The following ARL3 variants were observed in gnomAD, a reference collection of about 807,000 sequenced individuals.
The protein encoded by ARL3 is ARF like GTPase 3, also known as ADP-ribosylation factor-like protein 3.
A neutral mutation model predicts 26.0 loss-of-function variants in ARL3; 9 were observed. The ratio of observed to expected loss-of-function variants is 0.35; its 90% CI spans 0.21 to 0.60. The LOEUF is 0.60. Ranked by LOEUF, ARL3 falls within the 20% of genes least tolerant of loss-of-function variation. ARL3 has a pLI of 0.78. For missense variants in ARL3, 158 were observed against 215.7 expected (o/e 0.73, Z 1.67); for synonymous variants, 71 against 78.4 (o/e 0.91, Z 0.50).
At chr10:102,690,451 T>A (rs1002931030) in intron 3 of ARL3, among the ~76,000 whole-genome samples, 2 of 151,838 alleles carry the variant, frequency 1.3e-5, no homozygotes, top group Non-Finnish European at 2.9e-5. Context: ...GCCCAGCTAA[T>A]TTTTTTGTAG....
chr10:102,682,205 G>A (rs1300865716), intron 5 of ARL3, among the ~76,000 whole-genome samples: 2 of 152,074 alleles, frequency 1.3e-5, no homozygotes, highest in Non-Finnish European at 2.9e-5. Context: ...ACATAACTGG[G>A]TCTCTCCTCA....
In ARL3 at chr10:102,709,169, G is replaced by T. The variant is rs2064325603; in HGVS notation, c.4-3680C>A. ...AATCTGCCCGTGACGGCCTCCCAAA[G>T]TGCTGGGATTACAAGAGTGAGCCAC... On this transcript the variant is annotated intron_variant, in intron 1 of 5. Coordinates refer to ENST00000260746, the MANE Select transcript of ARL3 (RefSeq NM_004311.4). Among the ~76,000 whole-genome samples the T allele has an allele frequency of 2.0e-5, 3 of 151,694 alleles. No homozygotes were observed. In the South Asian group the frequency reaches 6.2e-4, roughly 32 times the overall value.
Position 102,686,020 on chromosome 10 carries a change from G to C in ARL3, c.316-19C>G. 1.2e-6 allele frequency: 2 copies of C among 1,601,124 alleles called. No homozygotes were observed. Among genetic ancestry groups the C allele is most frequent in the South Asian group, 1.1e-5 (1 of 89,910 alleles). ...CTAGTTCCTGGATTTTGAGAAGGGA[G>C]AGGGAGGGAAGGTTAAAATCTATAC... is the stretch of plus-strand genomic sequence containing the variant. On this transcript the variant is annotated intron_variant, in intron 4 of 5. Coordinates refer to ENST00000260746, the MANE Select transcript of ARL3 (RefSeq NM_004311.4).
At chr10:102,692,283 T>A (rs2064222163) in intron 3 of ARL3, among the ~76,000 whole-genome samples, 1 of 152,258 alleles carries the variant, frequency 6.6e-6, no homozygotes, top group Non-Finnish European at 1.5e-5. Context: ...CTTCTCTTCC[T>A]TGGGTATTTC....
intron 3 of ARL3, among the ~76,000 whole-genome samples, chr10:102,691,410 A>G (rs1217020310): frequency 6.6e-6 from 1 of 151,940 alleles, no homozygotes; most frequent in Non-Finnish European, 1.5e-5. Context: ...ACTGAGAATG[A>G]TGATTTCCAT....
In ARL3 at chr10:102,699,391, A is replaced by G; in HGVS notation, c.246T>C (p.Phe82=). 2 of 1,603,954 alleles carry G rather than the reference A, an allele frequency of 1.2e-6. No individual in the cohort carries two copies. Among genetic ancestry groups the G allele is most frequent in the Non-Finnish European group, 1.7e-6 (2 of 1,171,092 alleles). The change falls in exon 3 of 6, where the codon TTT becomes TTC. Residue 82 remains phenylalanine (F), a synonymous_variant. Transcript: ENST00000260746. ...TACTTACAAGAATATCGGTATTTTC[A>G]AAATAATTCTTCCAGTATGGTCTGA... is the stretch of plus-strand genomic sequence containing the variant. ...RKIRPYWKNY[F]ENTDILIYVI...
At position 102,697,896 on chromosome 10, in the gene ARL3, C is replaced by T. The variant is rs147908319; in HGVS notation, c.264+1477G>A. On this transcript the variant is annotated intron_variant, in intron 3 of 5. Transcript: ENST00000260746. Reference sequence around the variant, plus strand: ...GATGAGTACTGAAAACTGAACCCTACTTTTAGCAATGTGGAATTATCAGTG... The same window carrying T: ...GATGAGTACTGAAAACTGAACCCTATTTTTAGCAATGTGGAATTATCAGTG... Among the ~76,000 whole-genome samples, 320 of 152,262 alleles carry T rather than the reference C, an allele frequency of 2.1e-3. 3 individuals carry two copies. Among genetic ancestry groups the T allele is most frequent in the African/African-American group, 7.6e-3 (314 of 41,542 alleles).
chr10:102,682,690 T>C (rs2064161374), intron 5 of ARL3, among the ~76,000 whole-genome samples: 1 of 152,258 alleles, frequency 6.6e-6, no homozygotes, highest in Non-Finnish European at 1.5e-5. Context: ...CTACCTATTG[T>C]TAAGCAGTAC....
chr10:102,709,875 A>T (rs1404151451), intron 1 of ARL3, among the ~76,000 whole-genome samples: 1 of 152,016 alleles, frequency 6.6e-6, no homozygotes, highest in Non-Finnish European at 1.5e-5. Flanking sequence ...TCTACTAAAA[A>T]TACAAAAAAT....
intron 3 of ARL3, among the ~76,000 whole-genome samples, chr10:102,690,295 C>CTTTTTTT: frequency 8.1e-6 from 1 of 123,724 alleles, no homozygotes; most frequent in Non-Finnish European, 1.7e-5. Flanking sequence ...CACTATTTTC[C>CTTTTTTT]TTTTTTTTTT....
intron 1 of ARL3, among the ~76,000 whole-genome samples, chr10:102,708,061 A>T (rs2064318812): frequency 6.6e-6 from 1 of 151,886 alleles, no homozygotes; most frequent in Non-Finnish European, 1.5e-5. Context: ...CTACCGGCTC[A>T]CACCACCACG....
At chr10:102,707,871 A>C (rs899529622) in intron 1 of ARL3, among the ~76,000 whole-genome samples, 11 of 152,170 alleles carry the variant, frequency 7.2e-5, no homozygotes, top group African/African-American at 2.7e-4. Context: ...TAGATTGGAA[A>C]CAAACAGAAG....
intron 3 of ARL3, among the ~76,000 whole-genome samples, chr10:102,697,760 G>T (rs1344840612): frequency 6.6e-6 from 1 of 152,174 alleles, no homozygotes; most frequent in Non-Finnish European, 1.5e-5. Flanking sequence ...GATTTAGGAG[G>T]AGTAGCCAGT....
intron 3 of ARL3, among the ~76,000 whole-genome samples, chr10:102,691,672 C>T (rs1482981742): frequency 6.6e-6 from 1 of 152,150 alleles, no homozygotes; most frequent in African/African-American, 2.4e-5. Flanking sequence ...AATTTGTCGA[C>T]CTGCTCTATA....
At chr10:102,706,574 A>G (rs2064312269) in intron 1 of ARL3, among the ~76,000 whole-genome samples, 1 of 152,216 alleles carries the variant, frequency 6.6e-6, no homozygotes, top group African/African-American at 2.4e-5. Context: ...TGTTTTTTAG[A>G]TGAAAAATTT....
At position 102,685,811 on chromosome 10, in the gene ARL3, C is replaced by T. The variant is rs939117445; in HGVS notation, c.501+5G>A. Reference sequence around the variant, plus strand: ...CCAGGTGGCCAAGCCTTCCTGTAATCTCACCTGAACGCCCTCTCCTGTGAG... The same window carrying T: ...CCAGGTGGCCAAGCCTTCCTGTAATTTCACCTGAACGCCCTCTCCTGTGAG... On this transcript the variant is annotated splice_donor_5th_base_variant and intron_variant, in intron 5 of 5. Transcript: ENST00000260746. The T allele has an allele frequency of 2.5e-6, 4 of 1,598,124 alleles. No individual in the cohort carries two copies. Among genetic ancestry groups the T allele is most frequent in the Non-Finnish European group, 3.4e-6 (4 of 1,171,744 alleles).
chr10:102,685,076 C>T (rs1005316138), intron 5 of ARL3, among the ~76,000 whole-genome samples: 8 of 151,156 alleles, frequency 5.3e-5, no homozygotes, highest in Non-Finnish European at 7.4e-5. Flanking sequence ...GGCGAAATCC[C>T]GTTTCTACTA....
chr10:102,692,467 G>A (rs1043759475), intron 3 of ARL3, among the ~76,000 whole-genome samples: 1 of 152,204 alleles, frequency 6.6e-6, no homozygotes, highest in African/African-American at 2.4e-5. Context: ...CCAGGCTGGA[G>A]TGCAGTAGTG....
rs2064265661 is a variant in ARL3 at position 102,699,321 on chromosome 10, C to T, written c.264+52G>A. 2.4e-5 allele frequency: 17 copies of T among 697,506 alleles called. No individual in the cohort carries two copies. In the Middle Eastern group the frequency reaches 3.6e-3, roughly 149 times the overall value. 43.2% of individuals were successfully genotyped at this position (697,506 alleles called of 1,614,324 possible). ...AAAGAATGTTACAGTGTCCATGTTTCTAACACATGGCAGAAAATACTATGA... is the reference window on the plus strand; with the variant it reads ...AAAGAATGTTACAGTGTCCATGTTTTTAACACATGGCAGAAAATACTATGA... On this transcript the variant is annotated intron_variant, in intron 3 of 5. Coordinates refer to ENST00000260746, the MANE Select transcript of ARL3 (RefSeq NM_004311.4).
Sources: gnomAD v4.1 joint callset for allele counts (sites outside exome capture counted in the v4.1 genomes callset) on GRCh38, gnomAD v4.1.1 for gene constraint, MANE v1.5 for transcripts, NCBI Gene and HGNC (gene_info 2026-07-23, HGNC 2026-07-21) for gene names.